SPAG9: variants seen among roughly 807,000 people sequenced by gnomAD.
The protein encoded by SPAG9 is sperm associated antigen 9, also known as C-Jun-amino-terminal kinase-interacting protein 4.
SPAG9 carries 35 observed loss-of-function variants against 166.5 expected under a neutral mutation model. That is an observed-to-expected ratio of 0.21 (90% CI 0.16 to 0.28). The LOEUF is 0.28. Ranked by LOEUF, SPAG9 falls within the 10% of genes least tolerant of loss-of-function variation. The pLI is 1.00. For missense variants in SPAG9, 1,235 were observed against 1,603.3 expected, an observed-to-expected ratio of 0.77 and a Z score of 3.92; for synonymous variants, 534 against 565.5, an observed-to-expected ratio of 0.94 and a Z score of 0.79.
chr17:51,069,815 T>C (rs767631825), intron 2 of SPAG9, among the ~76,000 whole-genome samples: 11 of 152,072 alleles, frequency 7.2e-5, no homozygotes, highest in Admixed American at 2.0e-4. Flanking sequence ...GAATGTTACA[T>C]GGGGGACAAA....
rs1290338311 is a variant in SPAG9 at position 51,041,488 on chromosome 17, G to A, written c.741+13C>T. ...AATATAAACTGACACAATTTCAGCA[G>A]CATAAAGCTTACCTTCAGGCTGGTA... On this transcript the variant is annotated intron_variant, in intron 5 of 29. Transcript: ENST00000262013. The A allele has an allele frequency of 6.2e-7, 1 of 1,610,710 alleles. No individual in the cohort carries two copies. Among genetic ancestry groups the A allele is most frequent in the African/African-American group, 1.3e-5 (1 of 74,750 alleles).
chr17:51,010,577 AAAAAAATAT>A (rs2045431460), intron 9 of SPAG9, among the ~76,000 whole-genome samples: 1 of 139,136 alleles, frequency 7.2e-6, no homozygotes, highest in African/African-American at 2.8e-5. Flanking sequence ...AGAAAAAAAA[AAAAAAATAT>A]ATATATATAT....
chr17:51,045,689 C>T (rs2046994077), intron 4 of SPAG9, among the ~76,000 whole-genome samples: 1 of 152,080 alleles, frequency 6.6e-6, no homozygotes, highest in Non-Finnish European at 1.5e-5. Flanking sequence ...TCAGAGACTG[C>T]TAGTCTGACG....
At chr17:51,010,582 A>ATAT (rs1555638958) in intron 9 of SPAG9, among the ~76,000 whole-genome samples, 64 of 130,626 alleles carry the variant, frequency 4.9e-4, no homozygotes, top group African/African-American at 6.9e-4. Context: ...AAAAAAAAAA[A>ATAT]ATATATATAT....
intron 23 of SPAG9, among the ~76,000 whole-genome samples, chr17:50,985,250 AAT>A (rs1279733520): frequency 2.0e-5 from 3 of 152,242 alleles, no homozygotes; most frequent in Non-Finnish European, 2.9e-5. Context: ...CATCACAGAC[AAT>A]CAACACAAAC....
Position 51,041,351 on chromosome 17 carries a change from G to C in SPAG9, c.741+150C>G, listed in dbSNP as rs567904705. 2.1e-4 allele frequency: 121 copies of C among 589,282 alleles called. 1 individual carries two copies. In the South Asian group the frequency reaches 3.4e-3, roughly 16 times the overall value. 36.5% of individuals were successfully genotyped at this position (589,282 alleles called of 1,614,324 possible). On this transcript the variant is annotated intron_variant, in intron 5 of 29. Transcript: ENST00000262013. ...TAGTAAAAAACACACTCTTTGGTAA[G>C]AGCTCATTTCCAATTTAAAAAACCA...
At chr17:51,083,831 C>T (rs2048235778) in intron 1 of SPAG9, among the ~76,000 whole-genome samples, 2 of 152,012 alleles carry the variant, frequency 1.3e-5, no homozygotes, top group African/African-American at 4.8e-5. Flanking sequence ...CCATATTTCC[C>T]CAGAAAAAAC....
intron 8 of SPAG9, among the ~76,000 whole-genome samples, chr17:51,019,742 CTAGGGAGGCT>C (rs778571402): frequency 4.6e-5 from 7 of 151,994 alleles, no homozygotes; most frequent in Non-Finnish European, 8.8e-5. Flanking sequence ...ATCCCAGCAA[CTAGGGAGGCT>C]GAGGGAGGAG....
chr17:51,098,755 G>A (rs2048714150), intron 1 of SPAG9, among the ~76,000 whole-genome samples: 1 of 151,734 alleles, frequency 6.6e-6, no homozygotes, highest in South Asian at 2.1e-4. Context: ...GCCTCCCAAA[G>A]TGCTGGGACT....
intron 15 of SPAG9, 63 bp downstream of exon 15, chr17:50,998,381 C>A: frequency 1.4e-6 from 2 of 1,447,660 alleles, no homozygotes; most frequent in South Asian, 1.2e-5. Context: ...TGATAAGAGG[C>A]CAAGAATATT....
At chr17:51,061,381 G>C (rs773945312) in intron 2 of SPAG9, among the ~76,000 whole-genome samples, 1 of 152,086 alleles carries the variant, frequency 6.6e-6, no homozygotes, top group South Asian at 2.1e-4. Context: ...GGGAGGCCAA[G>C]GCGGGCTGAT....
Position 50,974,829 on chromosome 17 carries a change from A to G in SPAG9, c.3642T>C (p.His1214=), listed in dbSNP as rs1426480308. 7.4e-6 allele frequency: 12 copies of G among 1,611,854 alleles called. No homozygotes were observed. The highest frequency in any genetic ancestry group is 2.7e-5 in the African/African-American group (2 of 74,808). ...GTFIPYCSMA[H]AQLCFHGHRD... ...GGTGCCCATGGAAGCAAAGCTGTGCATGTGCCATTGAACAATAGGGTATAA... is the reference window on the plus strand; with the variant it reads ...GGTGCCCATGGAAGCAAAGCTGTGCGTGTGCCATTGAACAATAGGGTATAA... Residue 1214 remains histidine (H), a synonymous_variant, in exon 28 of 30, where the codon CAT becomes CAC. Coordinates refer to ENST00000262013, the MANE Select transcript of SPAG9 (RefSeq NM_001130528.3).
At chr17:51,060,225 C>T (rs1598105026) in intron 2 of SPAG9, among the ~76,000 whole-genome samples, 3 of 152,028 alleles carry the variant, frequency 2.0e-5, no homozygotes, top group Admixed American at 1.3e-4. Context: ...TAATTAAGGG[C>T]CGGGCGAGGT....
At chr17:51,113,284 C>A (rs1187787594) in intron 1 of SPAG9, among the ~76,000 whole-genome samples, 1 of 139,608 alleles carries the variant, frequency 7.2e-6, no homozygotes, top group African/African-American at 2.7e-5. Flanking sequence ...ATCTGGGAGG[C>A]GGAGGTTGCA....
chr17:50,988,935 GC>G (rs1975296414), intron 21 of SPAG9, among the ~76,000 whole-genome samples: 2 of 152,060 alleles, frequency 1.3e-5, no homozygotes, highest in Non-Finnish European at 2.9e-5. Context: ...TTGTACAATG[GC>G]AGATTTAAAC....
intron 2 of SPAG9, among the ~76,000 whole-genome samples, chr17:51,069,438 G>T (rs1201031863): frequency 6.6e-6 from 1 of 152,026 alleles, no homozygotes; most frequent in Non-Finnish European, 1.5e-5. Context: ...GAAAAACAGC[G>T]ACAGAAAATA....
intron 4 of SPAG9, among the ~76,000 whole-genome samples, chr17:51,043,431 C>T (rs2046914590): frequency 6.6e-6 from 1 of 152,106 alleles, no homozygotes; most frequent in Admixed American, 6.6e-5. Flanking sequence ...CTATAGAACC[C>T]TGTTCTTTCT....
intron 2 of SPAG9, among the ~76,000 whole-genome samples, chr17:51,078,458 T>C (rs1002042580): frequency 6.6e-6 from 1 of 152,138 alleles, no homozygotes; most frequent in Admixed American, 6.5e-5. Context: ...TTATAGCTGG[T>C]GTCACTATGT....
At chr17:51,098,946 A>C (rs1314989301) in intron 1 of SPAG9, among the ~76,000 whole-genome samples, 2 of 151,928 alleles carry the variant, frequency 1.3e-5, no homozygotes, top group Non-Finnish European at 2.9e-5. Context: ...CTAAAAATAC[A>C]AAAATTAGCC....
Sources: gnomAD v4.1 joint callset for allele counts (sites outside exome capture counted in the v4.1 genomes callset) on GRCh38, gnomAD v4.1.1 for gene constraint, MANE v1.5 for transcripts, NCBI Gene and HGNC (gene_info 2026-07-23, HGNC 2026-07-21) for gene names.